Variants in PDHX observed in about 807,000 individuals in gnomAD.
PDHX encodes pyruvate dehydrogenase complex component X, also known as pyruvate dehydrogenase protein X component, mitochondrial.
Under a neutral mutation model 55.3 loss-of-function variants are expected in PDHX, and 33 were observed. The observed-to-expected ratio is 0.60, with a 90% CI of 0.45 to 0.80. The LOEUF (loss-of-function observed/expected upper bound fraction) is 0.80, where lower values mean the gene tolerates loss of function less well. PDHX is among the 30% of genes least tolerant of loss of function. The pLI is 0.00. For missense variants in PDHX, 622 were observed against 619.9 expected, an observed-to-expected ratio of 1.00 and a Z score of -0.04; for synonymous variants, 226 against 219.4, an observed-to-expected ratio of 1.03 and a Z score of -0.27.
At chr11:34,929,373 G>C (rs967506) in intron 1 of PDHX, among the ~76,000 whole-genome samples, 90,447 of 152,046 alleles carry the variant, frequency 0.59, 28,115 homozygotes, top group East Asian at 0.74. Flanking sequence ...TGGGATTACA[G>C]GCGTGTGCCA....
chr11:34,976,441 CAT>C (rs1263264403), intron 7 of PDHX, among the ~76,000 whole-genome samples: 2 of 152,134 alleles, frequency 1.3e-5, no homozygotes, highest in African/African-American at 4.8e-5. Context: ...CTACTTTACA[CAT>C]GTTAGATTTG....
chr11:34,927,738 G>A (rs192303343), intron 1 of PDHX, among the ~76,000 whole-genome samples: 1 of 152,088 alleles, frequency 6.6e-6, no homozygotes, highest in Non-Finnish European at 1.5e-5. Context: ...GGATAGATTA[G>A]TTAGAATAAC....
intron 5 of PDHX, among the ~76,000 whole-genome samples, chr11:34,962,845 G>A (rs1855047988): frequency 6.6e-6 from 1 of 152,076 alleles, no homozygotes; most frequent in African/African-American, 2.4e-5. Context: ...TTTTAAACCT[G>A]AGTTGAAAGT....
intron 2 of PDHX, among the ~76,000 whole-genome samples, chr11:34,945,605 T>A (rs1854602718): frequency 6.6e-6 from 1 of 152,154 alleles, no homozygotes; most frequent in Non-Finnish European, 1.5e-5. Flanking sequence ...GTCTTTCCAT[T>A]GAGGTAATCT....
In PDHX at chr11:34,927,958, C is replaced by T. The variant is rs984699096; in HGVS notation, c.161-3446C>T. 7.9e-5 allele frequency among the ~76,000 whole-genome samples: 12 copies of T among 152,058 alleles called. No individual in the cohort carries two copies. In the South Asian group the frequency reaches 1.7e-3, roughly 21 times the overall value. On this transcript the variant is annotated intron_variant, in intron 1 of 10. Transcript: ENST00000227868. ...CATTTCATGAAGGGTGACTAAGGAACGATTATGTTCTTTTTATTTTTAAAA... is the reference window on the plus strand; with the variant it reads ...CATTTCATGAAGGGTGACTAAGGAATGATTATGTTCTTTTTATTTTTAAAA...
upstream of PDHX, chr11:34,916,522 G>A: frequency 6.9e-7 from 1 of 1,448,520 alleles, no homozygotes; most frequent in Non-Finnish European, 9.0e-7. Flanking sequence ...GGCTGGGTTG[G>A]GGGGCGGGGG....
At position 34,980,348 on chromosome 11, in the gene PDHX, G is replaced by GTTTTTTTTTTT. The variant is rs1319243948; in HGVS notation, c.1023+2169_1023+2170insTTTTTTTTTTT. ...ATTTTTTTTAATAAGGTTTAAGATA[G>GTTTTTTTTTTT]TTTCTTTTTTTTTTTTTTGAGCAGC... On this transcript the variant is annotated intron_variant, in intron 8 of 10. Coordinates refer to ENST00000227868, the MANE Select transcript of PDHX (RefSeq NM_003477.3). Among the ~76,000 whole-genome samples, 43 of 30,442 alleles carry GTTTTTTTTTTT rather than the reference G, an allele frequency of 1.4e-3. 1 individual carries two copies. The highest frequency in any genetic ancestry group is 0.022 in the Middle Eastern group (1 of 46). 20.0% of individuals were successfully genotyped at this position (30,442 alleles called of 152,430 possible).
At chr11:34,974,850 G>A (rs1374099856) in intron 7 of PDHX, among the ~76,000 whole-genome samples, 2 of 152,168 alleles carry the variant, frequency 1.3e-5, no homozygotes, top group Non-Finnish European at 2.9e-5. Flanking sequence ...GGAGGTTACA[G>A]TGAGCTATAA....
intron 8 of PDHX, among the ~76,000 whole-genome samples, chr11:34,980,985 T>C (rs1465500170): frequency 6.6e-6 from 1 of 152,172 alleles, no homozygotes; most frequent in African/African-American, 2.4e-5. Context: ...CATTTCATCA[T>C]TTGATGAAAT....
In PDHX at chr11:34,932,243, G is replaced by T. The variant is rs578181165; in HGVS notation, c.241+759G>T. On this transcript the variant is annotated intron_variant, in intron 2 of 10. Transcript: ENST00000227868. ...CACCCTAACTATAACTCAAAATCCA[G>T]ATTATAATATGGGAAATAAAATTTG... 2.0e-5 allele frequency among the ~76,000 whole-genome samples: 3 copies of T among 152,136 alleles called. 1 individual carries two copies. The East Asian group carries it at 5.8e-4, about 29-fold the overall frequency.
intron 3 of PDHX, among the ~76,000 whole-genome samples, chr11:34,955,157 T>A (rs770780202): frequency 6.6e-6 from 1 of 152,162 alleles, no homozygotes; most frequent in African/African-American, 2.4e-5. Context: ...TAGCTCCAGA[T>A]GCTTTGGTAG....
intron 3 of PDHX, among the ~76,000 whole-genome samples, chr11:34,953,573 C>A (rs919651243): frequency 6.6e-6 from 1 of 152,204 alleles, no homozygotes; most frequent in Non-Finnish European, 1.5e-5. Context: ...TAAATTGTTA[C>A]ATCCACTTTA....
At chr11:34,941,091 G>A (rs1854464972) in intron 2 of PDHX, among the ~76,000 whole-genome samples, 1 of 152,178 alleles carries the variant, frequency 6.6e-6, no homozygotes, top group South Asian at 2.1e-4. Flanking sequence ...AAGCCAGAGG[G>A]ATGTGTGGGT....
chr11:34,962,607 A>G (rs984440025), intron 5 of PDHX, among the ~76,000 whole-genome samples: 1 of 152,208 alleles, frequency 6.6e-6, no homozygotes, highest in African/African-American at 2.4e-5. Flanking sequence ...ATAAAGCAAT[A>G]GTTATAATTG....
chr11:34,916,065 C>T, upstream of PDHX: 1 of 940,574 alleles, frequency 1.1e-6, no homozygotes, highest in Non-Finnish European at 1.5e-6. Context: ...GCCTTGCTTC[C>T]GAACGCCAAG....
chr11:34,962,424 A>T (rs1169374415), intron 5 of PDHX, among the ~76,000 whole-genome samples: 1 of 152,190 alleles, frequency 6.6e-6, no homozygotes, highest in Non-Finnish European at 1.5e-5. Context: ...AGGTGATGAT[A>T]GTTTGGTCTC....
At chr11:34,972,774 T>C (rs1283540638) in intron 7 of PDHX, among the ~76,000 whole-genome samples, 1 of 152,238 alleles carries the variant, frequency 6.6e-6, no homozygotes, top group African/African-American at 2.4e-5. Flanking sequence ...ATGAGTTATT[T>C]GTAAGTGTGC....
intron 3 of PDHX, among the ~76,000 whole-genome samples, chr11:34,948,575 T>C (rs1854680488): frequency 8.8e-5 from 1 of 11,392 alleles, no homozygotes; most frequent in Non-Finnish European, 2.1e-4. Context: ...CTCTTTTCCT[T>C]TTTTTTTTTT....
Position 34,984,642 on chromosome 11 carries a change from G to T in PDHX, c.1096G>T (p.Ala366Ser), listed in dbSNP as rs756932261. The T allele has an allele frequency of 6.2e-7, 1 of 1,613,826 alleles. No individual in the cohort carries two copies. Among genetic ancestry groups the T allele is most frequent in the East Asian group, 2.2e-5 (1 of 44,878 alleles). The change falls in exon 9 of 11, where the codon GCT (alanine) becomes TCT (serine). Residue 366 changes from alanine (A) to serine (S), a missense_variant. Ala to Ser is a moderately conservative substitution (Grantham distance 99). Coordinates refer to ENST00000227868, the MANE Select transcript of PDHX (RefSeq NM_003477.3). ...ACTGCCATTTATTGACATTTCAGTG[G>T]CTGTGGCAACAGATAAAGGCTTACT... ...KQLPFIDISV[A>S]VATDKGLLTP...
Sources: allele counts gnomAD v4.1 joint callset (sites outside exome capture counted in the v4.1 genomes callset), GRCh38; gene constraint gnomAD v4.1.1; transcripts MANE v1.5; gene names NCBI Gene and HGNC (gene_info 2026-07-23, HGNC 2026-07-21).